CSMD3: variants seen among roughly 807,000 people sequenced by gnomAD.
The protein encoded by CSMD3 is CUB and Sushi multiple domains 3.
A neutral mutation model predicts 435.2 loss-of-function variants in CSMD3; 177 were observed. The observed-to-expected ratio is 0.41, with a 90% CI of 0.36 to 0.46. The LOEUF is 0.46. Among genes scored for constraint, CSMD3 ranks in the 20% least tolerant of loss-of-function variants. The pLI is 0.34. For missense variants in CSMD3, 4,265 were observed against 4,504.6 expected, an observed-to-expected ratio of 0.95 and a Z score of 1.52; for synonymous variants, 1,656 against 1,520.5, an observed-to-expected ratio of 1.09 and a Z score of -2.07.
At chr8:112,721,220 A>C (rs1448736092) in intron 13 of CSMD3, among the ~76,000 whole-genome samples, 1 of 152,188 alleles carries the variant, frequency 6.6e-6, no homozygotes, top group Non-Finnish European at 1.5e-5. Flanking sequence ...AATTGGAAAA[A>C]TCACCATGAA....
chr8:113,403,661 CCAGTAA>C (rs1462976567), intron 1 of CSMD3, among the ~76,000 whole-genome samples: 5 of 151,274 alleles, frequency 3.3e-5, no homozygotes, highest in African/African-American at 4.8e-5. Context: ...TATAAAATAT[CCAGTAA>C]CAGCTGTTTT....
intron 38 of CSMD3, among the ~76,000 whole-genome samples, chr8:112,370,475 T>C (rs900515861): frequency 5.9e-5 from 9 of 152,216 alleles, no homozygotes; most frequent in Admixed American, 1.3e-4. Flanking sequence ...GTCCTTACAA[T>C]GGCTTATAAG....
chr8:113,399,710 G>T (rs1315673021), intron 1 of CSMD3, among the ~76,000 whole-genome samples: 1 of 151,720 alleles, frequency 6.6e-6, no homozygotes, highest in Non-Finnish European at 1.5e-5. Context: ...TGTTGTGGGG[G>T]AGAATACAAA....
intron 4 of CSMD3, among the ~76,000 whole-genome samples, chr8:113,138,827 G>C (rs2091479935): frequency 6.6e-6 from 1 of 150,798 alleles, no homozygotes; most frequent in African/African-American, 2.4e-5. Context: ...GTGTGTGTGT[G>C]TGTGTGTGTG....
intron 31 of CSMD3, among the ~76,000 whole-genome samples, chr8:112,473,779 G>C (rs1022467510): frequency 6.8e-6 from 1 of 147,128 alleles, no homozygotes; most frequent in African/African-American, 2.5e-5. Flanking sequence ...TTCACCCTTG[G>C]AGTCAGAATG....
At chr8:113,264,743 C>A (rs2093454529) in intron 3 of CSMD3, among the ~76,000 whole-genome samples, 1 of 151,438 alleles carries the variant, frequency 6.6e-6, no homozygotes, top group Non-Finnish European at 1.5e-5. Context: ...GCTATTTTCC[C>A]TAAACCTTAA....
At chr8:112,772,370 G>A (rs1027862532) in intron 13 of CSMD3, among the ~76,000 whole-genome samples, 4 of 152,098 alleles carry the variant, frequency 2.6e-5, no homozygotes, top group Non-Finnish European at 4.4e-5. Flanking sequence ...TAAGGGCTGT[G>A]CAGGGTGTGC....
rs986763166 is a variant in CSMD3 at position 113,428,075 on chromosome 8, G to A, written c.178+8602C>T. Among the ~76,000 whole-genome samples the A allele has an allele frequency of 8.6e-5, 13 of 151,446 alleles. No homozygotes were observed. The South Asian group carries it at 1.0e-3, about 12-fold the overall frequency. On this transcript the variant is annotated intron_variant, in intron 1 of 70. Transcript: ENST00000297405. ...CTGTGCATTTACTTTGCTTACTATCGCTTATAAAAGTAGAAAGTATCTTTT... is the reference window on the plus strand; with the variant it reads ...CTGTGCATTTACTTTGCTTACTATCACTTATAAAAGTAGAAAGTATCTTTT...
intron 13 of CSMD3, among the ~76,000 whole-genome samples, chr8:112,718,209 TCTC>T (rs960341394): frequency 2.0e-4 from 31 of 152,072 alleles, no homozygotes; most frequent in Non-Finnish European, 2.9e-5. Context: ...TTTGTATTTT[TCTC>T]CTCCTGTTTT....
At chr8:112,895,200 C>A (rs1208619597) in intron 10 of CSMD3, among the ~76,000 whole-genome samples, 1 of 151,058 alleles carries the variant, frequency 6.6e-6, no homozygotes, top group Non-Finnish European at 1.5e-5. Flanking sequence ...GAGATATCAG[C>A]AAACAAATGG....
At chr8:113,337,539 A>C (rs2094085715) in intron 1 of CSMD3, among the ~76,000 whole-genome samples, 1 of 152,174 alleles carries the variant, frequency 6.6e-6, no homozygotes, top group South Asian at 2.1e-4. Flanking sequence ...ATCTTAGAAA[A>C]ATACATAGAA....
chr8:112,894,193 G>C (rs1293146607), intron 10 of CSMD3, among the ~76,000 whole-genome samples: 2 of 151,400 alleles, frequency 1.3e-5, no homozygotes, highest in African/African-American at 4.8e-5. Context: ...TGTAAAAAAT[G>C]CTTTTCAGGA....
chr8:112,944,708 T>G (rs1481322729), intron 9 of CSMD3, among the ~76,000 whole-genome samples: 1 of 151,500 alleles, frequency 6.6e-6, no homozygotes, highest in Admixed American at 6.6e-5. Flanking sequence ...CCGTGCTCAA[T>G]TTTTCAACAG....
At chr8:112,943,537 T>C (rs1032109019) in intron 9 of CSMD3, among the ~76,000 whole-genome samples, 11 of 151,632 alleles carry the variant, frequency 7.3e-5, no homozygotes, top group Non-Finnish European at 1.5e-5. Flanking sequence ...CTAATGTTCC[T>C]TTGAGATAAA....
chr8:112,592,493 T>A (rs1831278759), intron 22 of CSMD3, among the ~76,000 whole-genome samples: 1 of 152,084 alleles, frequency 6.6e-6, no homozygotes. Context: ...TAGCTACTTT[T>A]TCCCCTTAAA....
chr8:112,639,165 G>GA (rs113351489), intron 20 of CSMD3, among the ~76,000 whole-genome samples: 1 of 151,646 alleles, frequency 6.6e-6, no homozygotes, highest in Admixed American at 6.6e-5. Flanking sequence ...ATCAGTGCCT[G>GA]AAAAAAAATT....
At chr8:112,584,971 T>G (rs1830609282) in intron 23 of CSMD3, among the ~76,000 whole-genome samples, 1 of 151,574 alleles carries the variant, frequency 6.6e-6, no homozygotes, top group African/African-American at 2.4e-5. Flanking sequence ...TTTTTGAGGG[T>G]TCATCTTTCT....
At chr8:113,330,208 T>C (rs905792751) in intron 1 of CSMD3, among the ~76,000 whole-genome samples, 5 of 152,068 alleles carry the variant, frequency 3.3e-5, no homozygotes, top group African/African-American at 1.2e-4. Flanking sequence ...TTGCTGCAAA[T>C]ATTCTGTCTG....
At chr8:112,987,374 G>A (rs913163168) in intron 6 of CSMD3, among the ~76,000 whole-genome samples, 4 of 151,916 alleles carry the variant, frequency 2.6e-5, no homozygotes, top group South Asian at 2.1e-4. Flanking sequence ...CACTATAAAC[G>A]TATTTGACAT....
Sources: allele counts gnomAD v4.1 joint callset (sites outside exome capture counted in the v4.1 genomes callset), GRCh38; gene constraint gnomAD v4.1.1; transcripts MANE v1.5; gene names NCBI Gene and HGNC (gene_info 2026-07-23, HGNC 2026-07-21).